TENM3: variants seen among roughly 807,000 people sequenced by gnomAD.
TENM3 encodes teneurin transmembrane protein 3, also known as teneurin-3.
A neutral mutation model predicts 255.1 loss-of-function variants in TENM3; 63 were observed. The observed-to-expected ratio is 0.25, with a 90% CI of 0.20 to 0.30. TENM3 has a LOEUF of 0.30. TENM3 is among the 10% of genes least tolerant of loss of function. The pLI, the probability that TENM3 is intolerant of heterozygous loss-of-function variation, is 1.00. For missense variants in TENM3, 2,929 were observed against 3,461.1 expected, an observed-to-expected ratio of 0.85 and a Z score of 3.86; for synonymous variants, 1,306 against 1,322.3, an observed-to-expected ratio of 0.99 and a Z score of 0.27.
chr4:181,800,010 G>A, the TENM3 span, among the ~76,000 whole-genome samples: 4 of 152,130 alleles, frequency 2.6e-5, no homozygotes, highest in Non-Finnish European at 5.9e-5. Context: ...GCCAATTATC[G>A]CTGTGCCAGA....
chr4:182,634,606 G>A (rs1479583170), intron 5 of TENM3, among the ~76,000 whole-genome samples: 2 of 151,174 alleles, frequency 1.3e-5, no homozygotes, highest in East Asian at 3.9e-4. Flanking sequence ...ACAAATGTTA[G>A]GTTCAATGAT....
chr4:181,935,584 C>A, the TENM3 span, among the ~76,000 whole-genome samples: 14 of 152,176 alleles, frequency 9.2e-5, no homozygotes, highest in African/African-American at 3.4e-4. Flanking sequence ...ACAATCATGC[C>A]ACTCTTCACT....
chr4:182,449,294 G>T (rs939435380), intron 3 of TENM3, among the ~76,000 whole-genome samples: 1 of 148,472 alleles, frequency 6.7e-6, no homozygotes, highest in African/African-American at 2.5e-5. Flanking sequence ...AATCGGTGCG[G>T]AGGCAACATT....
At chr4:182,048,014 C>T in the TENM3 span, among the ~76,000 whole-genome samples, 3 of 152,240 alleles carry the variant, frequency 2.0e-5, no homozygotes, top group African/African-American at 4.8e-5. Context: ...GGTTGCCATG[C>T]AGATATTACC....
chr4:182,595,687 A>T (rs1747143592), intron 3 of TENM3, among the ~76,000 whole-genome samples: 1 of 152,186 alleles, frequency 6.6e-6, no homozygotes, highest in South Asian at 2.1e-4. Flanking sequence ...TTTGGGTATG[A>T]TGCATAATTT....
rs1561015778 is a variant in TENM3, at chr4:182,621,634, A to ATTTT, written c.750-7017_750-7016insTTTT. 2.0e-3 allele frequency among the ~76,000 whole-genome samples: 210 copies of ATTTT among 105,494 alleles called. 9 individuals are homozygous for ATTTT. The highest frequency in any genetic ancestry group is 7.4e-3 in the African/African-American group (201 of 27,168). 69.2% of individuals were successfully genotyped at this position (105,494 alleles called of 152,430 possible). A position where few individuals can be genotyped will look rare whatever the true frequency, so the allele number is the denominator to read the frequency against. On this transcript the variant is annotated intron_variant, in intron 4 of 27. Transcript: ENST00000511685. The stretch of plus-strand genomic sequence containing the variant: ...ATATAAATATATATATAAAATATAT[A>ATTTT]ATATATAATACATATTATAATATAT...
the TENM3 span, among the ~76,000 whole-genome samples, chr4:181,795,093 T>G: frequency 6.6e-6 from 1 of 152,240 alleles, no homozygotes; most frequent in Non-Finnish European, 1.5e-5. Flanking sequence ...TACTCTTGCA[T>G]GCTTGCTGTA....
the TENM3 span, among the ~76,000 whole-genome samples, chr4:181,920,115 T>C: frequency 2.6e-5 from 4 of 152,108 alleles, no homozygotes; most frequent in Non-Finnish European, 4.4e-5. Flanking sequence ...TGCCACATTT[T>C]CTTAATCCAG....
chr4:182,015,134 A>G, the TENM3 span, among the ~76,000 whole-genome samples: 1 of 152,184 alleles, frequency 6.6e-6, no homozygotes, highest in Non-Finnish European at 1.5e-5. Flanking sequence ...TACTTTGTCA[A>G]TACAAGGGGT....
chr4:182,508,765 C>G (rs1737084655), intron 3 of TENM3, among the ~76,000 whole-genome samples: 1 of 152,174 alleles, frequency 6.6e-6, no homozygotes, highest in South Asian at 2.1e-4. Flanking sequence ...ACAGTGACAA[C>G]CTAACTTAGA....
the TENM3 span, among the ~76,000 whole-genome samples, chr4:182,118,912 G>A: frequency 6.6e-6 from 1 of 152,172 alleles, no homozygotes; most frequent in Non-Finnish European, 1.5e-5. Flanking sequence ...TCTGTAGGTT[G>A]TTGAAAGGCA....
At chr4:182,727,116 T>C (rs1197946608) in intron 13 of TENM3, among the ~76,000 whole-genome samples, 1 of 152,184 alleles carries the variant, frequency 6.6e-6, no homozygotes, top group Non-Finnish European at 1.5e-5. Flanking sequence ...GAAACTGATA[T>C]TTTTATTAAT....
the TENM3 span, among the ~76,000 whole-genome samples, chr4:181,973,097 A>G: frequency 6.6e-6 from 1 of 152,220 alleles, no homozygotes; most frequent in Non-Finnish European, 1.5e-5. Context: ...TATAATATTG[A>G]CAGGAATGGT....
At chr4:181,958,971 A>G in the TENM3 span, among the ~76,000 whole-genome samples, 3 of 152,234 alleles carry the variant, frequency 2.0e-5, no homozygotes, top group Admixed American at 1.3e-4. Flanking sequence ...TAATAAAATC[A>G]TAATACACAA....
intron 3 of TENM3, among the ~76,000 whole-genome samples, chr4:182,550,525 T>G (rs1310424172): frequency 6.6e-6 from 1 of 152,174 alleles, no homozygotes; most frequent in Non-Finnish European, 1.5e-5. Flanking sequence ...TCTGGTGGAC[T>G]CATTCTTAAT....
intron 12 of TENM3, among the ~76,000 whole-genome samples, chr4:182,694,830 G>A (rs1018866949): frequency 1.3e-5 from 2 of 152,144 alleles, no homozygotes; most frequent in Non-Finnish European, 2.9e-5. Flanking sequence ...GAGAGAAAGA[G>A]CAAAACTTTT....
the TENM3 span, among the ~76,000 whole-genome samples, chr4:181,553,677 G>A: frequency 3.9e-5 from 6 of 152,130 alleles, no homozygotes; most frequent in Admixed American, 6.5e-5. Flanking sequence ...TCCTGACCTC[G>A]TGATCTGCCC....
At chr4:181,780,086 G>T in the TENM3 span, among the ~76,000 whole-genome samples, 22 of 152,258 alleles carry the variant, frequency 1.4e-4, no homozygotes, top group African/African-American at 5.1e-4. Flanking sequence ...GAATAGTGCT[G>T]CAATGAACAT....
At chr4:181,918,480 T>C in the TENM3 span, among the ~76,000 whole-genome samples, 1 of 152,194 alleles carries the variant, frequency 6.6e-6, no homozygotes, top group Non-Finnish European at 1.5e-5. Context: ...GAACAGTTTG[T>C]TAAATAGATT....
Sources: allele counts gnomAD v4.1 joint callset (sites outside exome capture counted in the v4.1 genomes callset), GRCh38; gene constraint gnomAD v4.1.1; transcripts MANE v1.5; gene names NCBI Gene and HGNC (gene_info 2026-07-23, HGNC 2026-07-21).